Variants in ZNF831 observed in about 807,000 individuals in gnomAD.
ZNF831 encodes chromosome 20 open reading frame 174.
ZNF831 carries 59 observed loss-of-function variants against 95.8 expected under a neutral mutation model. That is an observed-to-expected ratio of 0.62 (90% CI 0.50 to 0.77). The LOEUF (loss-of-function observed/expected upper bound fraction) is 0.77. Ranked by LOEUF, ZNF831 falls within the 30% of genes least tolerant of loss-of-function variation. ZNF831 has a pLI of 0.00. For synonymous variants in ZNF831, 961 were observed against 925.5 expected, an observed-to-expected ratio of 1.04 and a Z score of -0.70; for missense variants, 2,205 against 2,164.0, an observed-to-expected ratio of 1.02 and a Z score of -0.38.
intron 4 of ZNF831, among the ~76,000 whole-genome samples, chr20:59,241,896 C>T (rs565478073): frequency 1.3e-5 from 2 of 152,298 alleles, no homozygotes; most frequent in South Asian, 4.2e-4. Flanking sequence ...AGTACAATCG[C>T]CTAAGTACTC....
intron 4 of ZNF831, among the ~76,000 whole-genome samples, chr20:59,223,263 CAGAA>C (rs1308747512): frequency 6.6e-6 from 1 of 152,146 alleles, no homozygotes; most frequent in African/African-American, 2.4e-5. Context: ...GGATGTAAAG[CAGAA>C]TCCAGGATTC....
At position 59,254,626 on chromosome 20, in the gene ZNF831, T is replaced by C. The variant is rs1988089631; in HGVS notation, c.4917T>C (p.Pro1639=). The part of the protein sequence containing the change: ...PSKPEQPIEI[P]EAPSKSLKKR... ...AGCCAGAGCAGCCCATAGAAATTCC[T>C]GAAGCCCCTTCTAAATCCCTCAAGA... The change falls in exon 6 of 6, where the codon CCT becomes CCC. Residue 1639 remains proline (P), a synonymous_variant. Transcript: ENST00000371030. This position sits in a 1 kb window ranked among gnomAD's most constrained non-coding sequence, Gnocchi z 4.5. 1.9e-6 allele frequency: 3 copies of C among 1,614,080 alleles called. No individual in the cohort carries two copies. The East Asian group carries it at 6.7e-5, about 36-fold the overall frequency.
chr20:59,191,317 C>T lies in ZNF831; in HGVS notation c.298C>T (p.Pro100Ser), dbSNP rs749815984. Reference protein sequence around the residue: ...ILSPVLQPEGPGPTQVGKPAA... With the variant: ...ILSPVLQPEGSGPTQVGKPAA... ...CAGCCCTGTGCTGCAGCCTGAAGGG[C>T]CTGGCCCCACCCAGGTGGGGAAGCC... Residue 100 changes from proline (P) to serine (S), a missense_variant, in exon 2 of 6, where the codon CCT (proline) becomes TCT (serine). Transcript: ENST00000371030. 6.7e-5 allele frequency: 107 copies of T among 1,598,356 alleles called. No homozygotes were observed. Among genetic ancestry groups the T allele is most frequent in the Non-Finnish European group, 8.9e-5 (104 of 1,172,634 alleles).
At chr20:59,253,872 T>TTTTTTTC in intron 5 of ZNF831, 26 bp from the exon 6 acceptor site, 3 of 697,528 alleles carry the variant, frequency 4.3e-6, no homozygotes, top group South Asian at 2.4e-5. Context: ...CCCCCCACTT[T>TTTTTTTC]TTTTTTCCTT....
chr20:59,133,871 A>G (rs530552276), intron 1 of ZNF831, among the ~76,000 whole-genome samples: 32 of 152,328 alleles, frequency 2.1e-4, no homozygotes, highest in African/African-American at 7.7e-4. Flanking sequence ...GCTCACTCTC[A>G]GGTCCCAGAG....
At chr20:59,187,831 T>G (rs1983185127) in intron 1 of ZNF831, among the ~76,000 whole-genome samples, 1 of 152,100 alleles carries the variant, frequency 6.6e-6, no homozygotes, top group Non-Finnish European at 1.5e-5. Context: ...TGGCAACCAC[T>G]ATAATTTGTT....
chr20:59,233,059 C>CAG (rs779191246), intron 4 of ZNF831, among the ~76,000 whole-genome samples: 1 of 133,058 alleles, frequency 7.5e-6, no homozygotes, highest in Non-Finnish European at 1.6e-5. Flanking sequence ...GAGAGAGAGA[C>CAG]AGACAGAGAC....
chr20:59,149,067 C>T (rs550650061), intron 2 of ZNF831, among the ~76,000 whole-genome samples: 25 of 152,268 alleles, frequency 1.6e-4, no homozygotes, highest in African/African-American at 4.1e-4. Context: ...CCAGGCTGGC[C>T]GTGTCTGTGG....
chr20:59,242,440 T>C (rs937481024), intron 4 of ZNF831, among the ~76,000 whole-genome samples: 2 of 152,238 alleles, frequency 1.3e-5, no homozygotes, highest in African/African-American at 4.8e-5. Context: ...CTAATTATAT[T>C]TTTTCTCCTC....
At chr20:59,173,941 A>G (rs1359645970) in intron 1 of ZNF831, among the ~76,000 whole-genome samples, 1 of 152,178 alleles carries the variant, frequency 6.6e-6, no homozygotes, top group African/African-American at 2.4e-5. Context: ...GAAGGCATTC[A>G]GGTCTCATTG....
intron 4 of ZNF831, among the ~76,000 whole-genome samples, chr20:59,242,588 A>G (rs576457237): frequency 1.8e-4 from 27 of 152,358 alleles, no homozygotes; most frequent in African/African-American, 6.5e-4. Flanking sequence ...GAAATCTTAA[A>G]TTGATTACCT....
At chr20:59,216,239 G>T (rs1480857631) in intron 4 of ZNF831, among the ~76,000 whole-genome samples, 5 of 151,798 alleles carry the variant, frequency 3.3e-5, no homozygotes, top group Non-Finnish European at 7.4e-5. Flanking sequence ...CTCAATTTTT[G>T]TAAGGCTTTG....
chr20:59,125,251 G>A (rs866890708), intron 1 of ZNF831, among the ~76,000 whole-genome samples: 24 of 152,276 alleles, frequency 1.6e-4, no homozygotes, highest in Middle Eastern at 3.4e-3. Flanking sequence ...TTGCGCACTC[G>A]CCATCCCTGG....
chr20:59,207,605 G>A (rs1479442346), intron 4 of ZNF831, among the ~76,000 whole-genome samples: 1 of 152,184 alleles, frequency 6.6e-6, no homozygotes, highest in Non-Finnish European at 1.5e-5. Flanking sequence ...CTGCTTCCTG[G>A]AAAAATGGCT....
At position 59,195,963 on chromosome 20, in the gene ZNF831, G is replaced by C. The variant is rs566000763; in HGVS notation, c.3833G>C (p.Arg1278Pro). The change falls in exon 3 of 6, where the codon CGT (arginine) becomes CCT (proline). Residue 1278 changes from arginine to proline, a missense_variant. Coordinates refer to ENST00000371030, the MANE Select transcript of ZNF831 (RefSeq NM_178457.3). ...CTGCCTTGGAGGGCAAAGATGTCTCGTGGGAACAGCAAGCAGAGAAAACTG... is the reference window on the plus strand; with the variant it reads ...CTGCCTTGGAGGGCAAAGATGTCTCCTGGGAACAGCAAGCAGAGAAAACTG... ...KGLPWRAKMS[R>P]GNSKQRKLKI... 6.2e-7 allele frequency: 1 copy of C among 1,614,182 alleles called. No homozygotes were observed. The highest frequency in any genetic ancestry group is 8.5e-7 in the Non-Finnish European group (1 of 1,180,032).
In ZNF831 at chr20:59,194,195, C is replaced by T. The variant is rs372829780; in HGVS notation, c.3176C>T (p.Thr1059Met). 5.0e-5 allele frequency: 81 copies of T among 1,608,046 alleles called. 1 individual carries two copies. The African/African-American group carries it at 7.9e-4, about 16-fold the overall frequency. The change falls in exon 2 of 6, where the codon ACG (threonine) becomes ATG (methionine). Residue 1059 changes from threonine (T) to methionine (M), a missense_variant. By Grantham distance (81) the Thr-to-Met change is moderately conservative (BLOSUM62 -1). Transcript: ENST00000371030. ...REATSSPPTP[T>M]CEAHLVQDME... ...GCTACCTCCTCCCCGCCCACTCCAACGTGTGAGGCACACTTAGTTCAGGAC... is the reference window on the plus strand; with the variant it reads ...GCTACCTCCTCCCCGCCCACTCCAATGTGTGAGGCACACTTAGTTCAGGAC...
At chr20:59,129,138 C>T (rs1386563838) in intron 1 of ZNF831, among the ~76,000 whole-genome samples, 1 of 152,202 alleles carries the variant, frequency 6.6e-6, no homozygotes, top group East Asian at 1.9e-4. Context: ...CTACACCTCT[C>T]TTCTACTGAT....
intron 1 of ZNF831, among the ~76,000 whole-genome samples, chr20:59,132,769 C>T (rs1413646149): frequency 2.6e-5 from 4 of 152,266 alleles, no homozygotes; most frequent in Non-Finnish European, 5.9e-5. Context: ...AAGCACCCCT[C>T]AGCTGGAAGA....
chr20:59,178,864 T>A (rs557041623), intron 1 of ZNF831, among the ~76,000 whole-genome samples: 7 of 152,302 alleles, frequency 4.6e-5, no homozygotes, highest in Non-Finnish European at 1.0e-4. Context: ...GTGCAGCTCA[T>A]CTGAGTCACA....
Sources: allele counts gnomAD v4.1 joint callset (sites outside exome capture counted in the v4.1 genomes callset), GRCh38; gene constraint gnomAD v4.1.1; non-coding constraint Gnocchi (gnomAD v3.1); transcripts MANE v1.5; gene names NCBI Gene and HGNC (gene_info 2026-07-23, HGNC 2026-07-21).